The following PARD3B variants were observed in gnomAD, a reference collection of about 807,000 sequenced individuals.
The protein encoded by PARD3B is par-3 family cell polarity regulator beta.
Under a neutral mutation model 130.2 loss-of-function variants are expected in PARD3B, and 103 were observed. The ratio of observed to expected loss-of-function variants is 0.79; its 90% CI spans 0.67 to 0.93. PARD3B has a LOEUF of 0.93. PARD3B is among the 40% of genes least tolerant of loss of function. The pLI is 0.00. For missense variants in PARD3B, 1,609 were observed against 1,499.2 expected, an observed-to-expected ratio of 1.07 and a Z score of -1.21; for synonymous variants, 583 against 553.2, an observed-to-expected ratio of 1.05 and a Z score of -0.76.
intron 2 of PARD3B, among the ~76,000 whole-genome samples, chr2:204,930,212 T>TC (rs1228062158): frequency 6.6e-6 from 1 of 151,858 alleles, no homozygotes; most frequent in African/African-American, 2.4e-5. Context: ...GTTTTTTTTT[T>TC]CCTTTTCATT....
At chr2:205,184,461 G>T (rs2035977416) in intron 13 of PARD3B, among the ~76,000 whole-genome samples, 1 of 152,122 alleles carries the variant, frequency 6.6e-6, no homozygotes, top group Non-Finnish European at 1.5e-5. Flanking sequence ...AATTTAGTTT[G>T]GCCCGGCGCG....
chr2:205,487,898 G>C (rs552029245), intron 20 of PARD3B, among the ~76,000 whole-genome samples: 1 of 152,182 alleles, frequency 6.6e-6, no homozygotes, highest in African/African-American at 2.4e-5. Context: ...GAGTGTGTGC[G>C]TATTAGTGTT....
chr2:205,277,438 T>C (rs1574573990), intron 16 of PARD3B, among the ~76,000 whole-genome samples: 1 of 152,226 alleles, frequency 6.6e-6, no homozygotes, highest in African/African-American at 2.4e-5. Flanking sequence ...TAATGCTTGG[T>C]ACTCAATAAA....
rs1168360327 is a variant in PARD3B at position 205,473,682 on chromosome 2, ATG to A, written c.3045-26212_3045-26211del. Among the ~76,000 whole-genome samples, 1,337 of 88,034 alleles carry A rather than the reference ATG, an allele frequency of 0.015. 38 individuals carry two copies. The highest frequency in any genetic ancestry group is 0.15 in the East Asian group (578 of 3,864). The allele number at this position is 88,034 out of a possible 152,430, so 57.8% of individuals were successfully genotyped here. ...TGTGTGTGTGTGTGTGTGTGTGTGT[ATG>A]TATATATATATATATATATATATAT... On this transcript the variant is annotated intron_variant, in intron 20 of 22. Coordinates refer to ENST00000406610, the MANE Select transcript of PARD3B (RefSeq NM_001302769.2). This position sits in a 1 kb window ranked among gnomAD's most constrained non-coding sequence, Gnocchi z 4.9.
At position 205,572,159 on chromosome 2, in the gene PARD3B, T is replaced by G. The variant is rs1385878812; in HGVS notation, c.3260+18756T>G. ...TATAGCCAGCACTGAGGAAGTATTC[T>G]TCCATAAAACACAGTTCTTATCTCT... On this transcript the variant is annotated intron_variant, in intron 22 of 22. Coordinates refer to ENST00000406610, the MANE Select transcript of PARD3B (RefSeq NM_001302769.2). This position sits in a 1 kb window ranked among gnomAD's most constrained non-coding sequence, Gnocchi z 4.2. 6.6e-6 allele frequency among the ~76,000 whole-genome samples: 1 copy of G among 152,232 alleles called. No homozygotes were observed. The highest frequency in any genetic ancestry group is 6.5e-5 in the Admixed American group (1 of 15,284).
chr2:204,641,275 C>A (rs1574601910), intron 1 of PARD3B, among the ~76,000 whole-genome samples: 1 of 150,704 alleles, frequency 6.6e-6, no homozygotes, highest in East Asian at 1.9e-4. Flanking sequence ...GATGAGCAGG[C>A]ATTTGGTTGG....
chr2:204,679,128 A>C (rs2036700831), intron 1 of PARD3B, among the ~76,000 whole-genome samples: 1 of 152,172 alleles, frequency 6.6e-6, no homozygotes, highest in Non-Finnish European at 1.5e-5. Flanking sequence ...ATAAACTTGT[A>C]GTTTTGTTCA....
At chr2:204,630,376 T>C (rs1374641923) in intron 1 of PARD3B, among the ~76,000 whole-genome samples, 1 of 152,172 alleles carries the variant, frequency 6.6e-6, no homozygotes, top group Non-Finnish European at 1.5e-5. Flanking sequence ...TGGAAGCACA[T>C]GAGTGATTTG....
chr2:205,189,439 C>T (rs1047500293), intron 14 of PARD3B, among the ~76,000 whole-genome samples: 4 of 152,106 alleles, frequency 2.6e-5, no homozygotes, highest in East Asian at 1.9e-4. Context: ...CGTTGAGTAT[C>T]GTTTCTATTT....
chr2:205,519,396 A>C (rs749988542), intron 21 of PARD3B, among the ~76,000 whole-genome samples: 1 of 152,106 alleles, frequency 6.6e-6, no homozygotes, highest in Non-Finnish European at 1.5e-5. Flanking sequence ...GCATTGTGAA[A>C]TTCTTGTATT....
chr2:204,671,927 C>T (rs569641638), intron 1 of PARD3B, among the ~76,000 whole-genome samples: 5 of 152,180 alleles, frequency 3.3e-5, no homozygotes, highest in South Asian at 2.1e-4. Flanking sequence ...ATATAATCGT[C>T]GGAAAACTTT....
intron 18 of PARD3B, among the ~76,000 whole-genome samples, chr2:205,327,301 T>G (rs2042969007): frequency 6.6e-6 from 1 of 152,222 alleles, no homozygotes; most frequent in South Asian, 2.1e-4. Flanking sequence ...CTTTTCATTT[T>G]TATCGCTAAC....
intron 20 of PARD3B, among the ~76,000 whole-genome samples, chr2:205,453,945 A>G (rs1446219376): frequency 1.3e-5 from 2 of 152,180 alleles, no homozygotes; most frequent in African/African-American, 2.4e-5. Flanking sequence ...TGCAAATAGC[A>G]TGCATGCTGC....
intron 21 of PARD3B, among the ~76,000 whole-genome samples, chr2:205,529,980 C>T (rs576551633): frequency 2.6e-5 from 4 of 152,214 alleles, no homozygotes; most frequent in African/African-American, 9.6e-5. Flanking sequence ...AAAATCATAA[C>T]AGATCATAGA....
intron 16 of PARD3B, among the ~76,000 whole-genome samples, chr2:205,250,387 G>A (rs1440202689): frequency 6.6e-6 from 1 of 152,024 alleles, no homozygotes. Flanking sequence ...TAGCAAAATG[G>A]ACTAAAAAGC....
At chr2:205,612,229 T>G (rs2055257387) in intron 22 of PARD3B, among the ~76,000 whole-genome samples, 1 of 152,254 alleles carries the variant, frequency 6.6e-6, no homozygotes, top group Non-Finnish European at 1.5e-5. Context: ...CTCAGCTCAC[T>G]GCAACCTCTG....
At chr2:204,597,174 T>C (rs2033332589) in intron 1 of PARD3B, among the ~76,000 whole-genome samples, 1 of 152,104 alleles carries the variant, frequency 6.6e-6, no homozygotes, top group Non-Finnish European at 1.5e-5. Context: ...ATGAGGACTT[T>C]GTATTCCATT....
At chr2:205,220,745 T>C (rs558102346) in intron 15 of PARD3B, among the ~76,000 whole-genome samples, 2 of 152,270 alleles carry the variant, frequency 1.3e-5, no homozygotes, top group Non-Finnish European at 2.9e-5. Context: ...TCTGATAAGA[T>C]GACATTTTTG....
chr2:204,910,689 G>C (rs891217843), intron 2 of PARD3B, among the ~76,000 whole-genome samples: 11 of 152,194 alleles, frequency 7.2e-5, no homozygotes, highest in African/African-American at 2.7e-4. Flanking sequence ...GCCTAGGCTG[G>C]AGTGCAGCGG....
Sources: gnomAD v4.1 joint callset for allele counts (sites outside exome capture counted in the v4.1 genomes callset) on GRCh38, gnomAD v4.1.1 for gene constraint, Gnocchi (gnomAD v3.1) non-coding constraint, MANE v1.5 for transcripts, NCBI Gene and HGNC (gene_info 2026-07-23, HGNC 2026-07-21) for gene names.